SRPRB: variants seen among roughly 807,000 people sequenced by gnomAD.
SRPRB encodes the protein SRP receptor subunit beta, also known as signal recognition particle receptor subunit beta.
A neutral mutation model predicts 31.9 loss-of-function variants in SRPRB; 20 were observed. The observed-to-expected ratio is 0.63, with a 90% CI of 0.44 to 0.91. The LOEUF is 0.91. Ranked by LOEUF, SRPRB falls within the 40% of genes least tolerant of loss-of-function variation. The probability of loss-of-function intolerance (pLI) is 0.00; values close to 1 mark genes in which losing one functional copy is unlikely to be tolerated. For synonymous variants in SRPRB, 146 were observed against 132.8 expected, an observed-to-expected ratio of 1.10 and a Z score of -0.68; for missense variants, 321 against 324.9, an observed-to-expected ratio of 0.99 and a Z score of 0.09.
chr3:133,824,579 G>A (rs1289573286), downstream of SRPRB: 1 of 152,182 alleles, frequency 6.6e-6, no homozygotes, highest in Non-Finnish European at 1.5e-5. Flanking sequence ...AGTCCAAGGA[G>A]TTTGCACATT....
Position 133,819,807 on chromosome 3 carries a change from A to G in SRPRB, c.*41A>G. 2 of 1,584,630 alleles carry G rather than the reference A, an allele frequency of 1.3e-6. No individual in the cohort carries two copies. Among genetic ancestry groups the G allele is most frequent in the South Asian group, 1.1e-5 (1 of 88,470 alleles). On this transcript the variant is annotated 3_prime_UTR_variant, in exon 7 of 7. Coordinates refer to ENST00000678299, the MANE Select transcript of SRPRB (RefSeq NM_001379313.1). ...CACAAGACCTGGATGTGTGACACAC[A>G]GTTTTGGAAAAAGGTCTGTGGTAGT...
intron 3 of SRPRB, among the ~76,000 whole-genome samples, chr3:133,808,889 CAAA>C (rs200185544): frequency 3.4e-5 from 3 of 88,274 alleles, no homozygotes. Flanking sequence ...GACTAAGTCT[CAAA>C]AAAAAAAAAA....
chr3:133,805,780 G>T, upstream of SRPRB: 1 of 1,513,976 alleles, frequency 6.6e-7, no homozygotes, highest in African/African-American at 1.4e-5. Context: ...GTGAGGCTCT[G>T]CTCCCCGCGC....
upstream of SRPRB, chr3:133,805,750 G>A (rs1223885194): frequency 6.8e-7 from 1 of 1,474,300 alleles, no homozygotes; most frequent in African/African-American, 1.4e-5. Flanking sequence ...AGAGACTATG[G>A]CTTAGGAACC....
At chr3:133,811,651 C>A (rs1168945896) in intron 4 of SRPRB, among the ~76,000 whole-genome samples, 1 of 147,858 alleles carries the variant, frequency 6.8e-6, no homozygotes, top group African/African-American at 2.5e-5. Flanking sequence ...GGTGTGATCT[C>A]GGCTCACTGC....
chr3:133,798,633 C>T (rs569590832), intron 1 of SRPRB, among the ~76,000 whole-genome samples: 7 of 152,230 alleles, frequency 4.6e-5, no homozygotes, highest in African/African-American at 1.7e-4. Context: ...GTTTTCTTGA[C>T]TATCAAAATA....
At chr3:133,791,353 G>A (rs1163483639) in intron 1 of SRPRB, 1 of 152,028 alleles carries the variant, frequency 6.6e-6, no homozygotes, top group Non-Finnish European at 1.5e-5. Context: ...TTAATTCATG[G>A]CAATGTGTTT....
At chr3:133,789,776 C>G (rs1934781503) in intron 1 of SRPRB, 1 of 149,082 alleles carries the variant, frequency 6.7e-6, no homozygotes, top group African/African-American at 2.5e-5. Context: ...ATATTTTTGT[C>G]TGGGTTTTAT....
rs995670885 is a variant in SRPRB at position 133,812,943 on chromosome 3, A to G, written c.410+1744A>G. ...TAGATTCAGTTTTCCCTCACTGAGT[A>G]TATCTTTTAGAAGTGTTTCCAGAGA... is the stretch of plus-strand genomic sequence containing the variant. On this transcript the variant is annotated intron_variant, in intron 4 of 6. Coordinates refer to ENST00000678299, the MANE Select transcript of SRPRB (RefSeq NM_001379313.1). 4.6e-5 allele frequency among the ~76,000 whole-genome samples: 7 copies of G among 152,142 alleles called. No individual in the cohort carries two copies. In the East Asian group the frequency reaches 1.2e-3, roughly 25 times the overall value.
At chr3:133,794,760 A>G (rs1470745769) in intron 1 of SRPRB, 1 of 152,252 alleles carries the variant, frequency 6.6e-6, no homozygotes, top group Non-Finnish European at 1.5e-5. Flanking sequence ...AGAAGATGGC[A>G]TCCTTGATGT....
chr3:133,800,232 A>G (rs1339447865), intron 1 of SRPRB, among the ~76,000 whole-genome samples: 2 of 152,236 alleles, frequency 1.3e-5, no homozygotes, highest in African/African-American at 4.8e-5. Context: ...AGTCATTTAA[A>G]TAAGTGCAAA....
upstream of SRPRB, among the ~76,000 whole-genome samples, chr3:133,804,574 T>C (rs1465865388): frequency 6.6e-6 from 1 of 152,136 alleles, no homozygotes; most frequent in African/African-American, 2.4e-5. Flanking sequence ...TGGGTAGCCG[T>C]CCTAACAGAT....
At chr3:133,791,809 C>T (rs1458651327) in intron 1 of SRPRB, 1 of 152,048 alleles carries the variant, frequency 6.6e-6, no homozygotes, top group Non-Finnish European at 1.5e-5. Context: ...GGAATGAGTC[C>T]TTTATCTTCT....
upstream of SRPRB, among the ~76,000 whole-genome samples, chr3:133,800,976 C>T (rs1935052889): frequency 6.6e-6 from 1 of 152,148 alleles, no homozygotes; most frequent in Admixed American, 6.5e-5. Context: ...TTATCAGATA[C>T]TATAGGTAGA....
chr3:133,819,509 G>A (rs369078119), intron 6 of SRPRB, 44 bp from the exon 7 acceptor site: 3 of 1,566,520 alleles, frequency 1.9e-6, no homozygotes, highest in Admixed American at 1.7e-5. Context: ...TTTAATTGCT[G>A]TATAAAAATT....
chr3:133,805,598 G>C, upstream of SRPRB: 2 of 388,174 alleles, frequency 5.2e-6, no homozygotes, highest in East Asian at 7.7e-5. Context: ...CATAACGTAG[G>C]TGACGACGAC....
downstream of SRPRB, among the ~76,000 whole-genome samples, chr3:133,821,855 TAA>T (rs1935480531): frequency 6.6e-6 from 1 of 152,198 alleles, no homozygotes; most frequent in Admixed American, 6.5e-5. Context: ...ACTTTGTTTT[TAA>T]AGTCTCTTGG....
At chr3:133,804,620 T>C (rs1040995227), upstream of SRPRB, among the ~76,000 whole-genome samples, 3 of 152,186 alleles carry the variant, frequency 2.0e-5, no homozygotes, top group African/African-American at 7.2e-5. Context: ...ATGGCCTTTG[T>C]GCAAGTCTGT....
chr3:133,793,894 A>G (rs1372765586), intron 1 of SRPRB: 3 of 152,206 alleles, frequency 2.0e-5, no homozygotes, highest in African/African-American at 4.8e-5. Context: ...ACTTTAATGA[A>G]AAGACTGACT....
Sources: allele counts gnomAD v4.1 joint callset (sites outside exome capture counted in the v4.1 genomes callset), GRCh38; gene constraint gnomAD v4.1.1; transcripts MANE v1.5; gene names NCBI Gene and HGNC (gene_info 2026-07-23, HGNC 2026-07-21).